The following FCHO2 variants were observed in gnomAD, a reference collection of about 807,000 sequenced individuals.
FCHO2 encodes FCH and mu domain containing endocytic adaptor 2.
FCHO2 carries 43 observed loss-of-function variants against 114.1 expected under a neutral mutation model. The observed-to-expected ratio is 0.38, with a 90% confidence interval of 0.30 to 0.49. FCHO2 has a LOEUF of 0.49. FCHO2 is among the 20% of genes least tolerant of loss of function. FCHO2 has a pLI of 0.97. For synonymous variants in FCHO2, 293 were observed against 315.2 expected, an observed-to-expected ratio of 0.93 and a Z score of 0.75; for missense variants, 807 against 950.4, an observed-to-expected ratio of 0.85 and a Z score of 1.98.
intron 9 of FCHO2, among the ~76,000 whole-genome samples, chr5:73,036,233 A>T (rs258894): frequency 0.18 from 27,576 of 152,152 alleles, 2,806 homozygotes; most frequent in South Asian, 0.26. Context: ...TTATTAGGAA[A>T]ATCAAAGATA....
chr5:73,020,697 T>G (rs1243534484), intron 8 of FCHO2: 25 of 1,206,356 alleles, frequency 2.1e-5, no homozygotes, highest in Non-Finnish European at 3.1e-5. Flanking sequence ...TCTCTGTCCT[T>G]TAGTGAAGAA....
rs6867142 is a variant in FCHO2, at chr5:73,083,009, G to C, written c.2245+184G>C. ...CTGCCTCAGACTCCTGAGTAGCTGG[G>C]ATTACAGGCACGTGCCACCACACCC... On this transcript the variant is annotated intron_variant, in intron 24 of 25. Transcript: ENST00000430046. Among the ~76,000 whole-genome samples the C allele has an allele frequency of 7.3e-3, 1,102 of 152,000 alleles. 17 individuals carry two copies. The highest frequency in any genetic ancestry group is 0.025 in the African/African-American group (1,053 of 41,468).
At chr5:73,015,871 A>G in intron 7 of FCHO2, 147 bp downstream of exon 7, 1 of 421,094 alleles carries the variant, frequency 2.4e-6, no homozygotes, top group Non-Finnish European at 4.2e-6. Flanking sequence ...ATATATTTAC[A>G]TGTAGTAAAT....
Position 73,078,251 on chromosome 5 carries a change from A to G in FCHO2, c.1919A>G (p.Lys640Arg), listed in dbSNP as rs1201504788. The change falls in exon 22 of 26, where the codon AAG (lysine) becomes AGG (arginine). Residue 640 changes from lysine (K) to arginine (R), a missense_variant. Lys to Arg is a conservative substitution (Grantham distance 26, BLOSUM62 2). Coordinates refer to ENST00000430046, the MANE Select transcript of FCHO2 (RefSeq NM_138782.3). ...ATGCAAGCTGTTACAGTCTACCTCA[A>G]GAAGCTGTCAGAGCAAAATCCAGCT... is the stretch of plus-strand genomic sequence containing the variant. ...MNMQAVTVYL[K>R]KLSEQNPAAS... The G allele has an allele frequency of 1.9e-6, 3 of 1,593,844 alleles. No homozygotes were observed. In the African/African-American group the frequency reaches 4.0e-5, roughly 21 times the overall value.
intron 6 of FCHO2, among the ~76,000 whole-genome samples, chr5:73,007,627 G>T (rs1422823752): frequency 6.6e-6 from 1 of 152,158 alleles, no homozygotes; most frequent in African/African-American, 2.4e-5. Flanking sequence ...GCATACTTGT[G>T]TGCATGTATG....
chr5:73,077,989 T>G (rs1309482483), intron 21 of FCHO2, among the ~76,000 whole-genome samples, 191 bp from the exon 22 acceptor site: 1 of 152,198 alleles, frequency 6.6e-6, no homozygotes, highest in Non-Finnish European at 1.5e-5. Flanking sequence ...TTAAGATTCT[T>G]TTCTCTCTCT....
chr5:73,082,616 C>T (rs1422052092), intron 23 of FCHO2, 145 bp from the exon 24 acceptor site: 3 of 665,518 alleles, frequency 4.5e-6, no homozygotes, highest in Non-Finnish European at 7.8e-6. Context: ...ATCATAAACA[C>T]ATTTTCACCA....
chr5:73,011,935 A>G (rs1431044304), intron 6 of FCHO2, among the ~76,000 whole-genome samples: 1 of 151,938 alleles, frequency 6.6e-6, no homozygotes, highest in Admixed American at 6.6e-5. Context: ...AGTATCGCCT[A>G]TGGTAACAAA....
At chr5:73,007,189 C>A (rs150443158) in intron 6 of FCHO2, among the ~76,000 whole-genome samples, 1 of 152,260 alleles carries the variant, frequency 6.6e-6, no homozygotes, top group East Asian at 1.9e-4. Flanking sequence ...TGTGGTGACA[C>A]AAGGCCCCAG....
At chr5:72,959,055 T>TG (rs1159201927) in intron 1 of FCHO2, among the ~76,000 whole-genome samples, 2 of 152,234 alleles carry the variant, frequency 1.3e-5, no homozygotes, top group Non-Finnish European at 2.9e-5. Flanking sequence ...AAATCTAATT[T>TG]ATGTTTTAGT....
intron 5 of FCHO2, among the ~76,000 whole-genome samples, chr5:72,999,376 G>A (rs1261797371): frequency 1.5e-5 from 2 of 135,628 alleles, no homozygotes; most frequent in Admixed American, 7.4e-5. Context: ...TCATTCACAG[G>A]CCTTTTTTTT....
Position 73,054,529 on chromosome 5 carries a change from A to G in FCHO2, c.1190A>G (p.Gln397Arg), listed in dbSNP as rs1159463776. The G allele has an allele frequency of 6.5e-7, 1 of 1,541,690 alleles. No individual in the cohort carries two copies. The highest frequency in any genetic ancestry group is 8.8e-7 in the Non-Finnish European group (1 of 1,142,444). Residue 397 changes from glutamine to arginine, a missense_variant, in exon 15 of 26, where the codon CAG becomes CGG. Gln to Arg is a conservative substitution (Grantham distance 43). Coordinates refer to ENST00000430046, the MANE Select transcript of FCHO2 (RefSeq NM_138782.3). ...SPAISRHSPV[Q>R]MNRNLSNEEL... ...TATTTTGCATCTCTGTTTTAGGTAC[A>G]GATGAATCGGAATTTGTCTAGTAAG...
At chr5:73,066,429 CTTT>C (rs1409080008) in intron 18 of FCHO2, among the ~76,000 whole-genome samples, 2 of 151,706 alleles carry the variant, frequency 1.3e-5, no homozygotes, top group South Asian at 2.1e-4. Flanking sequence ...TCTTAGCATT[CTTT>C]TTTAATAAAA....
intron 5 of FCHO2, among the ~76,000 whole-genome samples, chr5:73,000,031 G>C (rs1460966988): frequency 6.6e-6 from 1 of 151,700 alleles, no homozygotes; most frequent in African/African-American, 2.4e-5. Flanking sequence ...TTCAAGACAG[G>C]TTCTCCCTCT....
At position 72,958,543 on chromosome 5, in the gene FCHO2, C is replaced by T. The variant is rs144731668; in HGVS notation, c.33+2414C>T. On this transcript the variant is annotated intron_variant, in intron 1 of 25. Transcript: ENST00000430046. ...AATTCTATTCCATTGTCTTCCCTTA[C>T]GACAGCCAGTAACACACAGTTTGGA... Among the ~76,000 whole-genome samples the T allele has an allele frequency of 7.0e-3, 1,059 of 152,230 alleles. 8 individuals carry two copies. The highest frequency in any genetic ancestry group is 0.025 in the African/African-American group (1,035 of 41,536).
chr5:72,958,177 C>G lies in FCHO2; in HGVS notation c.33+2048C>G, dbSNP rs576103594. On this transcript the variant is annotated intron_variant, in intron 1 of 25. Transcript: ENST00000430046. ...AAGTAACTCATAAGTTTTTATTTCT[C>G]GTGAAGTCTTGGTGAAGTCCATCTT... Among the ~76,000 whole-genome samples, 31 of 151,782 alleles carry G rather than the reference C, an allele frequency of 2.0e-4. No homozygotes were observed. The South Asian group carries it at 5.0e-3, about 25-fold the overall frequency.
intron 6 of FCHO2, among the ~76,000 whole-genome samples, chr5:73,012,082 A>G (rs1189366368): frequency 6.6e-6 from 1 of 152,232 alleles, no homozygotes; most frequent in African/African-American, 2.4e-5. Context: ...ATCATTTATT[A>G]TCAAGTATTA....
chr5:73,028,435 T>C (rs1165361794), intron 8 of FCHO2, among the ~76,000 whole-genome samples: 1 of 152,140 alleles, frequency 6.6e-6, no homozygotes, highest in African/African-American at 2.4e-5. Context: ...TTCATGGCAG[T>C]TTTATTTGTA....
intron 1 of FCHO2, among the ~76,000 whole-genome samples, chr5:72,961,591 ATTTC>A (rs1273389567): frequency 6.6e-6 from 1 of 151,514 alleles, no homozygotes; most frequent in Non-Finnish European, 1.5e-5. Context: ...ACCATTACCA[ATTTC>A]TTTCTTTTTT....
Sources: allele counts gnomAD v4.1 joint callset (sites outside exome capture counted in the v4.1 genomes callset), GRCh38; gene constraint gnomAD v4.1.1; transcripts MANE v1.5; gene names NCBI Gene and HGNC (gene_info 2026-07-23, HGNC 2026-07-21).